RNF115: variants seen among roughly 807,000 people sequenced by gnomAD.
RNF115 encodes the protein ring finger protein 115.
RNF115 carries 31 observed loss-of-function variants against 39.2 expected under a neutral mutation model. The ratio of observed to expected loss-of-function variants is 0.79; its 90% CI spans 0.59 to 1.07. The LOEUF (loss-of-function observed/expected upper bound fraction) is 1.07, where lower values mean the gene tolerates loss of function less well. RNF115 is among the 50% of genes least tolerant of loss of function. The pLI is 0.00. For synonymous variants in RNF115, 124 were observed against 131.0 expected, an observed-to-expected ratio of 0.95 and a Z score of 0.37; for missense variants, 384 against 381.7, an observed-to-expected ratio of 1.01 and a Z score of -0.05.
chr1:145,808,492 G>C (rs1039410925), intron 1 of RNF115, among the ~76,000 whole-genome samples: 3 of 152,104 alleles, frequency 2.0e-5, no homozygotes, highest in Non-Finnish European at 4.4e-5. Context: ...GCCTTCTTTT[G>C]AGAAATGTCT....
chr1:145,808,821 A>C (rs1553722010), intron 1 of RNF115, among the ~76,000 whole-genome samples: 1 of 152,220 alleles, frequency 6.6e-6, no homozygotes, highest in Non-Finnish European at 1.5e-5. Flanking sequence ...GGATCTAATA[A>C]CTGGCACCAT....
chr1:145,758,492 T>C (rs185709295), intron 4 of RNF115, among the ~76,000 whole-genome samples: 6 of 152,276 alleles, frequency 3.9e-5, no homozygotes, highest in Non-Finnish European at 7.3e-5. Flanking sequence ...CTCAAAAATA[T>C]TGAGATAATA....
rs60257682 is a variant in RNF115, at chr1:145,752,585, C to CTTTTT, written c.500+388_500+392dup. 6.0e-3 allele frequency among the ~76,000 whole-genome samples: 501 copies of CTTTTT among 83,746 alleles called. 79 individuals are homozygous for CTTTTT. Among genetic ancestry groups the CTTTTT allele is most frequent in the African/African-American group, 0.023 (396 of 17,404 alleles). The allele number at this position is 83,746 out of a possible 152,430, so 54.9% of individuals were successfully genotyped here. Reference sequence around the variant, plus strand: ...CATCTACATACTCACCTATGCAGCTCTTTTTTTTTTTTTTTTTTTTTGAGA... The same window carrying CTTTTT: ...CATCTACATACTCACCTATGCAGCTCTTTTTTTTTTTTTTTTTTTTTTTTTTGAGA... On this transcript the variant is annotated intron_variant, in intron 5 of 8. Coordinates refer to ENST00000582693, the MANE Select transcript of RNF115 (RefSeq NM_014455.4).
intron 1 of RNF115, among the ~76,000 whole-genome samples, chr1:145,813,344 C>T (rs1187362039): frequency 2.0e-5 from 3 of 151,934 alleles, no homozygotes; most frequent in African/African-American, 7.3e-5. Context: ...ATTTCTGGAG[C>T]TTATGAAACT....
chr1:145,804,956 T>C (rs1649402407), intron 1 of RNF115, among the ~76,000 whole-genome samples: 1 of 152,160 alleles, frequency 6.6e-6, no homozygotes, highest in Admixed American at 6.5e-5. Context: ...TTCCATACTT[T>C]TGGTTCCCAT....
chr1:145,815,109 G>A (rs1396399293), intron 1 of RNF115, among the ~76,000 whole-genome samples: 3 of 152,290 alleles, frequency 2.0e-5, no homozygotes, highest in Admixed American at 2.0e-4. Context: ...CTGCTTTTTA[G>A]CTACTTTTAT....
intron 3 of RNF115, among the ~76,000 whole-genome samples, chr1:145,775,332 A>G (rs902064115): frequency 6.6e-6 from 1 of 152,112 alleles, no homozygotes; most frequent in Non-Finnish European, 1.5e-5. Context: ...ATTAACAACA[A>G]TAACTAATAA....
chr1:145,769,125 ATAAG>A, intron 4 of RNF115, among the ~76,000 whole-genome samples: 1 of 152,344 alleles, frequency 6.6e-6, no homozygotes, highest in East Asian at 1.9e-4. Context: ...ATTTTTTAGT[ATAAG>A]TAAACAGTTA....
At chr1:145,794,384 CACACT>C (rs1553719484) in intron 1 of RNF115, among the ~76,000 whole-genome samples, 2 of 151,992 alleles carry the variant, frequency 1.3e-5, no homozygotes, top group African/African-American at 4.8e-5. Context: ...GTTCCAGCCA[CACACT>C]GGACTTCTTT....
At chr1:145,805,583 A>C (rs1270233251) in intron 1 of RNF115, among the ~76,000 whole-genome samples, 1 of 152,204 alleles carries the variant, frequency 6.6e-6, no homozygotes, top group African/African-American at 2.4e-5. Flanking sequence ...AAGACTGTTC[A>C]TCATTATAAG....
At position 145,812,275 on chromosome 1, in the gene RNF115, C is replaced by T. The variant is rs1222536625; in HGVS notation, c.102+11497G>A. ...TGAGTGGCAAGGAGGTAAACATTACCTTGTCTACTAAGAAGTTTCCTGTGA... is the reference window on the plus strand; with the variant it reads ...TGAGTGGCAAGGAGGTAAACATTACTTTGTCTACTAAGAAGTTTCCTGTGA... On this transcript the variant is annotated intron_variant, in intron 1 of 8. Transcript: ENST00000582693. Among the ~76,000 whole-genome samples, 3 of 150,326 alleles carry T rather than the reference C, an allele frequency of 2.0e-5. No homozygotes were observed. The South Asian group carries it at 6.2e-4, about 31-fold the overall frequency.
At chr1:145,775,766 T>TG (rs1219799032) in intron 3 of RNF115, among the ~76,000 whole-genome samples, 8 of 151,390 alleles carry the variant, frequency 5.3e-5, no homozygotes, top group African/African-American at 9.7e-5. Flanking sequence ...GCTAAGGCGG[T>TG]GGGGGGGATC....
At chr1:145,766,897 G>A (rs1432076418) in intron 4 of RNF115, among the ~76,000 whole-genome samples, 2 of 72,048 alleles carry the variant, frequency 2.8e-5, no homozygotes, top group Non-Finnish European at 2.6e-5. Context: ...AGGCAGAGGC[G>A]CCCCTCACCT....
chr1:145,771,818 G>C lies in RNF115; in HGVS notation c.321C>G (p.His107Gln). ...DQDNRANERG[H>Q]QTHTDFWGAR... ...CTCCCCAGAAGTCAGTGTGAGTCTG[G>C]TGACCCCTTTCATTGGCTCTATTAT... Residue 107 changes from histidine to glutamine, a missense_variant, in exon 4 of 9, where the codon CAC becomes CAG. His to Gln is a conservative substitution (Grantham distance 24, BLOSUM62 0). Coordinates refer to ENST00000582693, the MANE Select transcript of RNF115 (RefSeq NM_014455.4). The C allele has an allele frequency of 6.2e-7, 1 of 1,614,042 alleles. No homozygotes were observed. The highest frequency in any genetic ancestry group is 8.5e-7 in the Non-Finnish European group (1 of 1,179,948).
At chr1:145,767,641 T>C (rs1647413294) in intron 4 of RNF115, among the ~76,000 whole-genome samples, 1 of 152,148 alleles carries the variant, frequency 6.6e-6, no homozygotes, top group Non-Finnish European at 1.5e-5. Flanking sequence ...GTGGAGGTTG[T>C]AGCGAGCCGA....
Position 145,752,637 on chromosome 1 carries a change from G to A in RNF115, c.500+341C>T, listed in dbSNP as rs182305886. ...AGGGTCTCTTTCTGTCGCCCAAGCT[G>A]GAGTACAGTGGCGCGATCTCGGCTC... is the stretch of plus-strand genomic sequence containing the variant. On this transcript the variant is annotated intron_variant, in intron 5 of 8. Coordinates refer to ENST00000582693, the MANE Select transcript of RNF115 (RefSeq NM_014455.4). Among the ~76,000 whole-genome samples the A allele has an allele frequency of 6.1e-3, 742 of 121,076 alleles. 7 individuals are homozygous for A. Among genetic ancestry groups the A allele is most frequent in the Middle Eastern group, 0.041 (6 of 148 alleles). The allele number at this position is 121,076 out of a possible 152,430, so 79.4% of individuals were successfully genotyped here.
chr1:145,747,309 C>T (rs1030969465), intron 8 of RNF115, among the ~76,000 whole-genome samples: 7 of 152,170 alleles, frequency 4.6e-5, no homozygotes, highest in Admixed American at 4.6e-4. Flanking sequence ...CTGCCCATTA[C>T]TTCCCAATAT....
chr1:145,791,923 T>C (rs1032233419), intron 1 of RNF115, among the ~76,000 whole-genome samples: 33 of 151,454 alleles, frequency 2.2e-4, no homozygotes, highest in Admixed American at 2.0e-3. Flanking sequence ...TTTTATTTTT[T>C]ATTTTATTTT....
intron 4 of RNF115, among the ~76,000 whole-genome samples, chr1:145,759,590 T>C (rs587747184): frequency 6.6e-6 from 1 of 152,310 alleles, no homozygotes; most frequent in South Asian, 2.1e-4. Flanking sequence ...ATCTCTAGCT[T>C]ATATTAATGC....
Sources: gnomAD v4.1 joint callset for allele counts (sites outside exome capture counted in the v4.1 genomes callset) on GRCh38, gnomAD v4.1.1 for gene constraint, MANE v1.5 for transcripts, NCBI Gene and HGNC (gene_info 2026-07-23, HGNC 2026-07-21) for gene names.